The following SSH2 variants were observed in gnomAD, a reference collection of about 807,000 sequenced individuals.
SSH2 encodes the protein slingshot protein phosphatase 2.
SSH2 carries 37 observed loss-of-function variants against 135.2 expected under a neutral mutation model. That is an observed-to-expected ratio of 0.27 (90% CI 0.21 to 0.36). SSH2 has a LOEUF of 0.36. SSH2 is among the 10% of genes least tolerant of loss of function. SSH2 has a pLI of 1.00. For missense variants in SSH2, 1,408 were observed against 1,765.3 expected, an observed-to-expected ratio of 0.80 and a Z score of 3.63; for synonymous variants, 628 against 646.2, an observed-to-expected ratio of 0.97 and a Z score of 0.43.
At chr17:29,808,840 G>A (rs533354661) in intron 2 of SSH2, among the ~76,000 whole-genome samples, 2 of 152,170 alleles carry the variant, frequency 1.3e-5, no homozygotes, top group African/African-American at 4.8e-5. Context: ...TAGAACACAA[G>A]GTGAATGATA....
At chr17:29,817,389 T>C (rs1267938879) in intron 2 of SSH2, among the ~76,000 whole-genome samples, 1 of 152,198 alleles carries the variant, frequency 6.6e-6, no homozygotes, top group Non-Finnish European at 1.5e-5. Flanking sequence ...TGATCTAAAG[T>C]CTGAGAACAC....
intron 14 of SSH2, among the ~76,000 whole-genome samples, chr17:29,640,981 C>A (rs557121251): frequency 4.9e-4 from 74 of 152,082 alleles, no homozygotes; most frequent in Admixed American, 3.9e-4. Context: ...AATGAGTATG[C>A]CACAATTTAT....
At chr17:29,732,659 A>G (rs2040234798) in intron 3 of SSH2, among the ~76,000 whole-genome samples, 1 of 152,158 alleles carries the variant, frequency 6.6e-6, no homozygotes, top group South Asian at 2.1e-4. Flanking sequence ...ACACCTCGCT[A>G]TATTTAGGCA....
At chr17:29,637,090 T>C (rs1378447572) in intron 14 of SSH2, among the ~76,000 whole-genome samples, 1 of 152,258 alleles carries the variant, frequency 6.6e-6, no homozygotes, top group African/African-American at 2.4e-5. Flanking sequence ...CATATACTGG[T>C]AGGAGGAATG....
chr17:29,691,417 T>C (rs2038466640), intron 5 of SSH2, among the ~76,000 whole-genome samples: 1 of 152,170 alleles, frequency 6.6e-6, no homozygotes, highest in Non-Finnish European at 1.5e-5. Flanking sequence ...TTCTAAGTAC[T>C]ACAGTTAATG....
At chr17:29,691,078 T>G (rs555285259) in intron 5 of SSH2, among the ~76,000 whole-genome samples, 1 of 151,982 alleles carries the variant, frequency 6.6e-6, no homozygotes, top group African/African-American at 2.4e-5. Flanking sequence ...TATTTATACC[T>G]TTTTGCATTG....
chr17:29,915,342 A>G (rs1286885575), intron 1 of SSH2, among the ~76,000 whole-genome samples: 1 of 152,182 alleles, frequency 6.6e-6, no homozygotes, highest in African/African-American at 2.4e-5. Context: ...TTCAACTGCC[A>G]ACTGCTCGTA....
intron 3 of SSH2, chr17:29,761,439 C>CGCCGCCAGCAG: frequency 1.0e-6 from 1 of 1,002,266 alleles, no homozygotes; most frequent in Non-Finnish European, 1.2e-6. Flanking sequence ...GACTGACGGG[C>CGCCGCCAGCAG]GTCGCCAGCA....
chr17:29,890,956 A>T (rs1237258279), intron 1 of SSH2, among the ~76,000 whole-genome samples: 2 of 151,864 alleles, frequency 1.3e-5, no homozygotes, highest in Non-Finnish European at 2.9e-5. Flanking sequence ...GGGTTTCATC[A>T]TGTTGGCCAG....
chr17:29,684,020 C>T (rs757400977), intron 6 of SSH2, among the ~76,000 whole-genome samples: 1 of 152,150 alleles, frequency 6.6e-6, no homozygotes, highest in Non-Finnish European at 1.5e-5. Flanking sequence ...TATATTGTGA[C>T]TATCTAAAGA....
At chr17:29,921,403 T>C (rs1044035743) in intron 1 of SSH2, among the ~76,000 whole-genome samples, 4 of 152,196 alleles carry the variant, frequency 2.6e-5, no homozygotes, top group African/African-American at 7.2e-5. Context: ...TAAACAAAGA[T>C]TGATTCAACC....
chr17:29,712,354 T>A (rs890389847), intron 3 of SSH2, among the ~76,000 whole-genome samples: 3 of 152,240 alleles, frequency 2.0e-5, no homozygotes, highest in African/African-American at 7.2e-5. Flanking sequence ...CCCTAAGCAC[T>A]TCCCAGCTTG....
intron 1 of SSH2, chr17:29,882,865 T>C (rs1413488615): frequency 3.9e-5 from 6 of 152,238 alleles, no homozygotes; most frequent in Admixed American, 3.9e-4. Context: ...GGTATCACTA[T>C]GTTACTCAGG....
intron 2 of SSH2, among the ~76,000 whole-genome samples, chr17:29,806,167 CTG>C (rs1016074913): frequency 6.6e-6 from 1 of 152,206 alleles, no homozygotes; most frequent in African/African-American, 2.4e-5. Context: ...GACTCTGCCT[CTG>C]TGTCATTCTC....
chr17:29,709,054 C>CGCGT (rs2039342970), intron 3 of SSH2, among the ~76,000 whole-genome samples: 1 of 70,658 alleles, frequency 1.4e-5, no homozygotes, highest in Admixed American at 1.4e-4. Context: ...AGAGAGAGAG[C>CGCGT]TAATAATAGC....
chr17:29,776,858 C>T (rs748431761), intron 3 of SSH2, among the ~76,000 whole-genome samples: 11 of 152,224 alleles, frequency 7.2e-5, no homozygotes, highest in Non-Finnish European at 1.5e-4. Flanking sequence ...TTTGCAATTG[C>T]TGAAAGCAGC....
In SSH2 at chr17:29,666,488, A is replaced by G. The variant is rs112055523; in HGVS notation, c.1032+379T>C. On this transcript the variant is annotated intron_variant, in intron 11 of 15. Coordinates refer to ENST00000540801, the MANE Select transcript of SSH2 (RefSeq NM_001282129.2). The stretch of plus-strand genomic sequence containing the variant: ...ACCTGAGGTCAGGAGTTCAAGACCA[A>G]CGTGGCCAAGATGGCAAAACCCCGT... 5.4e-3 allele frequency among the ~76,000 whole-genome samples: 817 copies of G among 152,250 alleles called. 10 individuals carry two copies. The highest frequency in any genetic ancestry group is 0.019 in the African/African-American group (774 of 41,550).
chr17:29,842,976 T>C (rs865848724), intron 2 of SSH2, among the ~76,000 whole-genome samples: 8 of 152,048 alleles, frequency 5.3e-5, no homozygotes, highest in South Asian at 2.1e-4. Flanking sequence ...TTTCCCTTTT[T>C]CCCCCCTTTT....
At chr17:29,732,445 C>T (rs771971473) in intron 3 of SSH2, among the ~76,000 whole-genome samples, 1 of 152,142 alleles carries the variant, frequency 6.6e-6, no homozygotes, top group Non-Finnish European at 1.5e-5. Context: ...TGGCTTCTTT[C>T]TGAAATAATT....
Sources: allele counts gnomAD v4.1 joint callset (sites outside exome capture counted in the v4.1 genomes callset), GRCh38; gene constraint gnomAD v4.1.1; transcripts MANE v1.5; gene names NCBI Gene and HGNC (gene_info 2026-07-23, HGNC 2026-07-21).